The following FLRT1 variants were observed in gnomAD, a reference collection of about 807,000 sequenced individuals.
FLRT1 encodes fibronectin leucine rich transmembrane protein 1.
Under a neutral mutation model 30.9 loss-of-function variants are expected in FLRT1, and 14 were observed. The ratio of observed to expected loss-of-function variants is 0.45; its 90% CI spans 0.30 to 0.71. The LOEUF is 0.71. Among genes scored for constraint, FLRT1 ranks in the 30% least tolerant of loss-of-function variants. The pLI is 0.08. For missense variants in FLRT1, 737 were observed against 949.2 expected (o/e 0.78, Z 2.94); for synonymous variants, 368 against 430.4 (o/e 0.85, Z 1.80).
intron 1 of FLRT1, among the ~76,000 whole-genome samples, chr11:64,079,055 G>A (rs1229414313): frequency 1.3e-5 from 2 of 151,940 alleles, no homozygotes; most frequent in South Asian, 2.1e-4. Flanking sequence ...GCCGCTGTGC[G>A]GACAGACCGG....
chr11:64,061,172 G>A (rs1185140795), intron 1 of FLRT1, among the ~76,000 whole-genome samples: 1 of 152,248 alleles, frequency 6.6e-6, no homozygotes, highest in African/African-American at 2.4e-5. Context: ...CTTGTAATGA[G>A]TATGGATTTG....
chr11:64,080,297 G>T (rs1944280529), intron 1 of FLRT1, among the ~76,000 whole-genome samples: 1 of 152,202 alleles, frequency 6.6e-6, no homozygotes, highest in African/African-American at 2.4e-5. Flanking sequence ...ACAGACGTGA[G>T]CCACTGTGCC....
Position 64,117,661 on chromosome 11 carries a change from G to C in FLRT1, c.1394G>C (p.Arg465Pro). The C allele has an allele frequency of 6.2e-7, 1 of 1,613,688 alleles. No homozygotes were observed. Among genetic ancestry groups the C allele is most frequent in the Non-Finnish European group, 8.5e-7 (1 of 1,180,030 alleles). Residue 465 changes from arginine to proline, a missense_variant, in exon 3 of 3, where the codon CGG becomes CCG. Coordinates refer to ENST00000682287, the MANE Select transcript of FLRT1 (RefSeq NM_013280.5). ...WKATLPASSF[R>P]LSWLRLGHSP... ...GCCACGCTCCCCGCCTCCTCTTTCCGGCTCAGTTGGCTGCGCCTGGGCCAC... is the reference window on the plus strand; with the variant it reads ...GCCACGCTCCCCGCCTCCTCTTTCCCGCTCAGTTGGCTGCGCCTGGGCCAC...
At chr11:64,045,007 G>T (rs1788207633) in intron 1 of FLRT1, among the ~76,000 whole-genome samples, 1 of 152,270 alleles carries the variant, frequency 6.6e-6, no homozygotes, top group Non-Finnish European at 1.5e-5. Context: ...TTTGGAGCCA[G>T]GTGGGAGGGC....
At chr11:64,097,548 C>T (rs1944599033) in intron 1 of FLRT1, among the ~76,000 whole-genome samples, 1 of 152,270 alleles carries the variant, frequency 6.6e-6, no homozygotes, top group Non-Finnish European at 1.5e-5. Flanking sequence ...GCGGCACAGA[C>T]TCCTGAAGCC....
rs146150625 is a variant in FLRT1 at position 64,117,029 on chromosome 11, G to T, written c.762G>T (p.Ser254=). Residue 254 remains serine (S), a synonymous_variant, in exon 3 of 3, where the codon TCG becomes TCT. Coordinates refer to ENST00000682287, the MANE Select transcript of FLRT1 (RefSeq NM_013280.5). ...GCCTACAGAACCTCACAGAGCTCTC[G>T]CTGGTGCGCAATTCGCTGGCCGCGC... is the stretch of plus-strand genomic sequence containing the variant. The part of the protein sequence containing the change: ...FSRLQNLTEL[S]LVRNSLAAPP... The T allele has an allele frequency of 6.2e-7, 1 of 1,611,096 alleles. No individual in the cohort carries two copies. The highest frequency in any genetic ancestry group is 1.3e-5 in the African/African-American group (1 of 74,932).
intron 1 of FLRT1, among the ~76,000 whole-genome samples, chr11:64,069,483 A>G (rs1480587484): frequency 6.6e-6 from 1 of 152,126 alleles, no homozygotes; most frequent in Non-Finnish European, 1.5e-5. Flanking sequence ...GGTCCCCTTT[A>G]GCCTCTGGCT....
intron 1 of FLRT1, among the ~76,000 whole-genome samples, chr11:64,041,711 CT>C (rs1943490812): frequency 6.6e-6 from 1 of 152,182 alleles, no homozygotes; most frequent in Non-Finnish European, 1.5e-5. Context: ...GGACTGAGCT[CT>C]CTCAAGCGAC....
At chr11:64,070,673 G>A (rs1289634836) in intron 1 of FLRT1, among the ~76,000 whole-genome samples, 1 of 151,834 alleles carries the variant, frequency 6.6e-6, no homozygotes, top group African/African-American at 2.4e-5. Flanking sequence ...CCAGCTGATC[G>A]GGGCAGATTT....
At chr11:64,057,563 G>A (rs1943812603) in intron 1 of FLRT1, among the ~76,000 whole-genome samples, 1 of 152,208 alleles carries the variant, frequency 6.6e-6, no homozygotes, top group Admixed American at 6.5e-5. Flanking sequence ...ATGAGAGAGG[G>A]GCTGGCATCC....
At chr11:64,085,844 G>A (rs1274310493) in intron 1 of FLRT1, among the ~76,000 whole-genome samples, 3 of 152,198 alleles carry the variant, frequency 2.0e-5, no homozygotes. Context: ...GGATGCAGGA[G>A]GAATAAGAGA....
chr11:64,106,885 A>T (rs1944771362), intron 2 of FLRT1, among the ~76,000 whole-genome samples: 1 of 150,834 alleles, frequency 6.6e-6, no homozygotes, highest in Non-Finnish European at 1.5e-5. Flanking sequence ...TATTTATTTT[A>T]TTTTATTTTT....
intron 1 of FLRT1, among the ~76,000 whole-genome samples, chr11:64,046,791 G>T (rs986964932): frequency 6.6e-6 from 1 of 152,156 alleles, no homozygotes; most frequent in South Asian, 2.1e-4. Flanking sequence ...GAGCCGCTGC[G>T]CCTGGCCTGG....
At chr11:64,107,472 G>A (rs189687882) in intron 2 of FLRT1, among the ~76,000 whole-genome samples, 167 of 152,108 alleles carry the variant, frequency 1.1e-3, no homozygotes, top group African/African-American at 3.6e-3. Flanking sequence ...AGGACATCCC[G>A]CCGCCTGGCA....
chr11:64,053,178 G>A (rs1943725294), intron 1 of FLRT1, among the ~76,000 whole-genome samples: 1 of 152,206 alleles, frequency 6.6e-6, no homozygotes, highest in South Asian at 2.1e-4. Context: ...GGCTGGGCTT[G>A]GGGCCCTGGG....
intron 1 of FLRT1, among the ~76,000 whole-genome samples, chr11:64,068,534 A>G (rs1944046882): frequency 6.6e-6 from 1 of 152,234 alleles, no homozygotes; most frequent in African/African-American, 2.4e-5. Context: ...TCCCTTGCAC[A>G]TATTTACTGC....
rs766081520 is a variant in FLRT1 at position 64,117,869 on chromosome 11, C to T, written c.1602C>T (p.Gly534=). 1.5e-5 allele frequency: 24 copies of T among 1,613,982 alleles called. No homozygotes were observed. Among genetic ancestry groups the T allele is most frequent in the African/African-American group, 5.3e-5 (4 of 74,956 alleles). ...CAKAETADSY[G]PTTTLNQEQN... ...AGGCAGAGACAGCCGACAGCTATGG[C>T]CCTACCACCACACTCAACCAGGAGC... Residue 534 remains glycine, a synonymous_variant, in exon 3 of 3, where the codon GGC becomes GGT. Coordinates refer to ENST00000682287, the MANE Select transcript of FLRT1 (RefSeq NM_013280.5).
chr11:64,109,423 C>T (rs1010254853), intron 2 of FLRT1, among the ~76,000 whole-genome samples: 1 of 152,142 alleles, frequency 6.6e-6, no homozygotes, highest in Admixed American at 6.5e-5. Context: ...CCGGCCTCTC[C>T]CCACTCGTGA....
intron 1 of FLRT1, among the ~76,000 whole-genome samples, chr11:64,089,047 C>T (rs1178198168): frequency 6.6e-6 from 1 of 152,224 alleles, no homozygotes; most frequent in East Asian, 1.9e-4. Context: ...GCCTCAGGAA[C>T]TCGTGCCCCG....
Sources: gnomAD v4.1 joint callset for allele counts (sites outside exome capture counted in the v4.1 genomes callset) on GRCh38, gnomAD v4.1.1 for gene constraint, MANE v1.5 for transcripts, NCBI Gene and HGNC (gene_info 2026-07-23, HGNC 2026-07-21) for gene names.